ARHGDIG: variants seen among roughly 807,000 people sequenced by gnomAD.
ARHGDIG encodes the protein rho GDP-dissociation inhibitor 3.
Under a neutral mutation model 20.2 loss-of-function variants are expected in ARHGDIG, and 14 were observed. That is an observed-to-expected ratio of 0.69 (90% CI 0.46 to 1.08). ARHGDIG has a LOEUF of 1.08. Ranked by LOEUF, ARHGDIG falls within the 50% of genes least tolerant of loss-of-function variation. The pLI, the probability that ARHGDIG is intolerant of heterozygous loss-of-function variation, is 0.00. For missense variants in ARHGDIG, 311 were observed against 301.8 expected (o/e 1.03, Z -0.23); for synonymous variants, 193 against 138.6 (o/e 1.39, Z -2.76).
At chr16:282,258 G>A (rs921664670) in intron 3 of ARHGDIG, 39 bp from the exon 4 acceptor site, 1 of 1,612,024 alleles carries the variant, frequency 6.2e-7, no homozygotes, top group African/African-American at 1.3e-5. Flanking sequence ...GTCTCAGCCT[G>A]TAGGGGAGTT....
chr16:282,553 C>T lies in ARHGDIG; in HGVS notation c.478+23C>T, dbSNP rs376948933. 767 of 573,010 alleles carry T rather than the reference C, an allele frequency of 1.3e-3. 1 individual carries two copies. The Middle Eastern group carries it at 0.017, about 13-fold the overall frequency. The allele number at this position is 573,010 out of a possible 1,614,324, so 35.5% of individuals were successfully genotyped here. On this transcript the variant is annotated intron_variant, in intron 5 of 5. Coordinates refer to ENST00000219409, the MANE Select transcript of ARHGDIG (RefSeq NM_001176.4). ...GCGGTGAGGGCAGCGGTGGGGGGAA[C>T]GGGGCGGGGGGGGGAAGCGGGGGCA...
Position 281,739 on chromosome 16 carries a change from C to T in ARHGDIG, c.74-7C>T, listed in dbSNP as rs1443698550. 6.4e-7 allele frequency: 1 copy of T among 1,573,846 alleles called. No individual in the cohort carries two copies. On this transcript the variant is annotated splice_region_variant and splice_polypyrimidine_tract_variant and intron_variant, in intron 1 of 5. Coordinates refer to ENST00000219409, the MANE Select transcript of ARHGDIG (RefSeq NM_001176.4). ...TGGCTGCTGCTCACGCCCCTCCCCA[C>T]CCCCAGTCCTCCTGGCTGACAAGGA...
intron 3 of ARHGDIG, 85 bp downstream of exon 3, chr16:282,193 A>C: frequency 6.2e-7 from 1 of 1,605,474 alleles, no homozygotes; most frequent in African/African-American, 1.3e-5. Context: ...GCCCTGGGCC[A>C]TCACAGTCGC....
Position 282,918 on chromosome 16 carries a change from G to A in ARHGDIG, c.*104G>A. 1.7e-6 allele frequency: 2 copies of A among 1,174,174 alleles called. No homozygotes were observed. Among genetic ancestry groups the A allele is most frequent in the Middle Eastern group, 2.8e-4 (1 of 3,538 alleles). 72.7% of individuals were successfully genotyped at this position (1,174,174 alleles called of 1,614,324 possible). A position where few individuals can be genotyped will look rare whatever the true frequency, so the allele number is the denominator to read the frequency against. On this transcript the variant is annotated 3_prime_UTR_variant, in exon 6 of 6. Transcript: ENST00000219409. ...GACCAGACCCTCCCCTGCTGCCCCTGCTGCCCCTGCTGCCCCTGCTCTGTC... is the reference window on the plus strand; with the variant it reads ...GACCAGACCCTCCCCTGCTGCCCCTACTGCCCCTGCTGCCCCTGCTCTGTC...
At chr16:282,263 G>T (rs776886528) in intron 3 of ARHGDIG, 34 bp from the exon 4 acceptor site, 1 of 1,612,698 alleles carries the variant, frequency 6.2e-7, no homozygotes, top group Non-Finnish European at 8.5e-7. Context: ...AGCCTGTAGG[G>T]GAGTTCCGAC....
At chr16:282,001 T>C in intron 2 of ARHGDIG, 24 bp from the exon 3 acceptor site, 1 of 1,608,800 alleles carries the variant, frequency 6.2e-7, no homozygotes. Flanking sequence ...GGGGGCATCC[T>C]GCAGACTTCC....
chr16:282,245 C>T, intron 3 of ARHGDIG, 52 bp from the exon 4 acceptor site: 10 of 1,610,124 alleles, frequency 6.2e-6, no homozygotes, highest in Non-Finnish European at 8.5e-6. Context: ...GCTCCTGGAG[C>T]AGGTCTCAGC....
chr16:281,886 T>TTG lies in ARHGDIG; in HGVS notation c.214_215insTG (p.Tyr72LeufsTer23), dbSNP rs766759594. Reference sequence around the variant, plus strand: ...CCCGGACGACAGGAGCCTGGCCAAGTACAAGCGGGTGCTGCTGGGGCCCCT... The same window carrying TTG: ...CCCGGACGACAGGAGCCTGGCCAAGTTGACAAGCGGGTGCTGCTGGGGCCCCT... On this transcript the variant is annotated frameshift_variant, in exon 2 of 6. Coordinates refer to ENST00000219409, the MANE Select transcript of ARHGDIG (RefSeq NM_001176.4). LOFTEE classifies it high-confidence loss of function. The TTG allele has an allele frequency of 6.2e-7, 1 of 1,609,106 alleles. No individual in the cohort carries two copies. The highest frequency in any genetic ancestry group is 1.1e-5 in the South Asian group (1 of 91,058).
rs2052289128 is a variant in ARHGDIG at position 281,888 on chromosome 16, C to T, written c.216C>T (p.Tyr72=). ...CGGACGACAGGAGCCTGGCCAAGTA[C>T]AAGCGGGTGCTGCTGGGGCCCCTGC... ...LDPDDRSLAK[Y]KRVLLGPLPP... is the part of the protein sequence containing the mutation. Residue 72 remains tyrosine, a synonymous_variant, in exon 2 of 6, where the codon TAC becomes TAT. Transcript: ENST00000219409. The T allele has an allele frequency of 6.2e-7, 1 of 1,609,068 alleles. No individual in the cohort carries two copies. The highest frequency in any genetic ancestry group is 8.5e-7 in the Non-Finnish European group (1 of 1,179,630).
intron 1 of ARHGDIG, 101 bp from the exon 2 acceptor site, chr16:281,645 T>G: frequency 7.7e-6 from 10 of 1,307,084 alleles, no homozygotes; most frequent in African/African-American, 3.0e-5. Flanking sequence ...TTGAGTCCCT[T>G]TGGATAGTGG....
chr16:280,765 G>A lies in ARHGDIG; in HGVS notation c.73+12G>A. The A allele has an allele frequency of 1.6e-6, 2 of 1,271,740 alleles. No homozygotes were observed. Among genetic ancestry groups the A allele is most frequent in the East Asian group, 3.4e-5 (1 of 29,730 alleles). The allele number at this position is 1,271,740 out of a possible 1,614,324, so 78.8% of individuals were successfully genotyped here. A position where few individuals can be genotyped will look rare whatever the true frequency, so the allele number is the denominator to read the frequency against. On this transcript the variant is annotated intron_variant, in intron 1 of 5. Coordinates refer to ENST00000219409, the MANE Select transcript of ARHGDIG (RefSeq NM_001176.4). The surrounding 1 kb of genome is among the most constrained non-coding windows in gnomAD (Gnocchi z 6.6). ...GCTGTGCGCCCGAGGTGAGCGGGCC[G>A]GGCAGGGGCGGGGGGCTCGGCTGGT...
rs766318916 is a variant in ARHGDIG, at chr16:281,822, G to A, written c.150G>A (p.Ala50=). Residue 50 remains alanine (A), a synonymous_variant, in exon 2 of 6, where the codon GCG becomes GCA. Coordinates refer to ENST00000219409, the MANE Select transcript of ARHGDIG (RefSeq NM_001176.4). ...VLDEAVPEYR[A]PGRKSLLEIR... is the part of the protein sequence containing the mutation. ...ATGAGGCTGTGCCCGAGTACCGGGC[G>A]CCGGGGAGGAAGAGCCTCTTGGAGA... The A allele has an allele frequency of 8.1e-6, 13 of 1,611,824 alleles. No individual in the cohort carries two copies. The highest frequency in any genetic ancestry group is 5.5e-5 in the South Asian group (5 of 91,078).
chr16:282,567 GAA>G, intron 5 of ARHGDIG, 37 bp downstream of exon 5: 2 of 957,338 alleles, frequency 2.1e-6, no homozygotes, highest in Non-Finnish European at 3.0e-6. Context: ...GCGGGGGGGG[GAA>G]GCGGGGGCAG....
intron 3 of ARHGDIG, 40 bp downstream of exon 3, chr16:282,148 C>T (rs75289488): frequency 0.056 from 89,714 of 1,611,152 alleles, 2,694 homozygotes; most frequent in Middle Eastern, 0.094. Context: ...CAGGTAGGGC[C>T]CTCCCAGGCA....
rs2052298619 is a variant in ARHGDIG at position 282,558 on chromosome 16, C to CGGGGGGGGAAGGGGG, written c.478+36_478+37insAAGGGGGGGGGGGGG. 11 of 1,313,260 alleles carry CGGGGGGGGAAGGGGG rather than the reference C, an allele frequency of 8.4e-6. No individual in the cohort carries two copies. In the East Asian group the frequency reaches 8.9e-5, roughly 11 times the overall value. 81.4% of individuals were successfully genotyped at this position (1,313,260 alleles called of 1,614,324 possible). A position where few individuals can be genotyped will look rare whatever the true frequency, so the allele number is the denominator to read the frequency against. On this transcript the variant is annotated intron_variant, in intron 5 of 5. Coordinates refer to ENST00000219409, the MANE Select transcript of ARHGDIG (RefSeq NM_001176.4). ...GAGGGCAGCGGTGGGGGGAACGGGG[C>CGGGGGGGGAAGGGGG]GGGGGGGGGAAGCGGGGGCAGACAG... is the stretch of plus-strand genomic sequence containing the variant.
rs764282089 is a variant in ARHGDIG, at chr16:281,698, T to G, written c.74-48T>G. ...AGGGGGCTCCAGCCTGGTGCTCGAA[T>G]GCCAGGGTCCGCTAGTGGCTGCTGC... is the stretch of plus-strand genomic sequence containing the variant. On this transcript the variant is annotated intron_variant, in intron 1 of 5. Coordinates refer to ENST00000219409, the MANE Select transcript of ARHGDIG (RefSeq NM_001176.4). The G allele has an allele frequency of 2.0e-6, 3 of 1,508,300 alleles. No individual in the cohort carries two copies. The East Asian group carries it at 7.4e-5, about 37-fold the overall frequency. 93.4% of individuals were successfully genotyped at this position (1,508,300 alleles called of 1,614,324 possible). A position where few individuals can be genotyped will look rare whatever the true frequency, so the allele number is the denominator to read the frequency against.
chr16:282,219 C>T, intron 3 of ARHGDIG, 78 bp from the exon 4 acceptor site: 2 of 1,606,392 alleles, frequency 1.2e-6, no homozygotes, highest in Non-Finnish European at 1.7e-6. Context: ...TCATGGGTAC[C>T]ACACCCTACG....
Position 282,065 on chromosome 16 carries a change from C to G in ARHGDIG, c.294C>G (p.Leu98=), listed in dbSNP as rs1011757083. 6.2e-7 allele frequency: 1 copy of G among 1,612,744 alleles called. No individual in the cohort carries two copies. Among genetic ancestry groups the G allele is most frequent in the African/African-American group, 1.3e-5 (1 of 74,890 alleles). Residue 98 remains leucine (L), a synonymous_variant, in exon 3 of 6, where the codon CTC becomes CTG. Transcript: ENST00000219409. ...LPNVQVTRLT[L]LSEQAPGPVV... Reference sequence around the variant, plus strand: ...ATGTGCAGGTGACCAGGCTGACACTCCTGTCGGAACAGGCTCCGGGGCCCG... The same window carrying G: ...ATGTGCAGGTGACCAGGCTGACACTGCTGTCGGAACAGGCTCCGGGGCCCG...
Position 282,481 on chromosome 16 carries a change from T to C in ARHGDIG, c.429T>C (p.Ile143=), listed in dbSNP as rs995834252. Residue 143 remains isoleucine (I), a synonymous_variant, in exon 5 of 6, where the codon ATT becomes ATC. Transcript: ENST00000219409. ...VKISFKVHRE[I]VSGLKCLHHT... is the part of the protein sequence containing the mutation. ...TCTGTTCCCAGGTCCACAGGGAGAT[T>C]GTCAGCGGCCTCAAGTGTCTGCACC... is the stretch of plus-strand genomic sequence containing the variant. 11 of 1,609,616 alleles carry C rather than the reference T, an allele frequency of 6.8e-6. No individual in the cohort carries two copies. Among genetic ancestry groups the C allele is most frequent in the Middle Eastern group, 1.7e-4 (1 of 5,816 alleles).
Sources: gnomAD v4.1 joint callset for allele counts on GRCh38, gnomAD v4.1.1 for gene constraint, Gnocchi (gnomAD v3.1) non-coding constraint, MANE v1.5 for transcripts, NCBI Gene and HGNC (gene_info 2026-07-23, HGNC 2026-07-21) for gene names.